Variants in CCDC146 observed in about 807,000 individuals in gnomAD.
The protein encoded by CCDC146 is coiled-coil domain-containing protein 146.
In CCDC146, 92 loss-of-function variants were observed where a neutral mutation model predicts 119.3. That is an observed-to-expected ratio of 0.77 (90% confidence interval 0.65 to 0.92). The LOEUF is 0.92. Among genes scored for constraint, CCDC146 ranks in the 40% least tolerant of loss-of-function variants. CCDC146 has a pLI of 0.00. For synonymous variants in CCDC146, 372 were observed against 371.8 expected (o/e 1.00, Z -0.01); for missense variants, 1,000 against 1,103.0 (o/e 0.91, Z 1.32).
At chr7:77,133,956 GC>G (rs1790824768) in intron 1 of CCDC146, among the ~76,000 whole-genome samples, 1 of 152,088 alleles carries the variant, frequency 6.6e-6, no homozygotes, top group Non-Finnish European at 1.5e-5. Context: ...ATAAGGTGAA[GC>G]AGTACACAAT....
Position 77,256,383 on chromosome 7 carries a change from TA to T in CCDC146, c.561del (p.Glu188LysfsTer2). On this transcript the variant is annotated frameshift_variant, in exon 6 of 19. Transcript: ENST00000285871. Reference sequence around the variant, plus strand: ...TGAGAGAAAGCACTGAAGAATTACGTAAAGAAATAATGCAGAAGAAATTAGA... The same window carrying T: ...TGAGAGAAAGCACTGAAGAATTACGTAAGAAATAATGCAGAAGAAATTAGA... ...ILRESTEELRKEIMQKKLEIK... is the reference protein window; with the variant it reads ...ILRESTEELRXEIMQKKLEIK... The T allele has an allele frequency of 6.2e-7, 1 of 1,601,798 alleles. No homozygotes were observed. The highest frequency in any genetic ancestry group is 2.2e-5 in the East Asian group (1 of 44,730).
intron 4 of CCDC146, chr7:77,242,397 C>T: frequency 1.0e-6 from 1 of 986,930 alleles, no homozygotes; most frequent in Non-Finnish European, 1.2e-6. Flanking sequence ...TCATCTCCTA[C>T]TACTAGATTG....
In CCDC146 at chr7:77,274,570, A is replaced by G. The variant is rs1343907459; in HGVS notation, c.1358A>G (p.Glu453Gly). The G allele has an allele frequency of 6.2e-7, 1 of 1,613,360 alleles. No individual in the cohort carries two copies. Among genetic ancestry groups the G allele is most frequent in the African/African-American group, 1.3e-5 (1 of 75,032 alleles). ...TTAAAGGAGCAAGAAAACATGAAAG[A>G]GCTAGTAGTCAACCTTCTCCGCATG... The part of the protein sequence containing the change: ...KLLKEQENMK[E>G]LVVNLLRMTQ... Residue 453 changes from glutamate to glycine, a missense_variant, in exon 11 of 19, where the codon GAG becomes GGG. Physicochemically the swap from Glu to Gly is moderately conservative, Grantham distance 98. This residue lies in a region of CCDC146 where 985 missense variants were observed against 1,045.3 expected (regional missense o/e 0.94). Coordinates refer to ENST00000285871, the MANE Select transcript of CCDC146 (RefSeq NM_020879.3).
chr7:77,160,738 T>A (rs906158316), intron 1 of CCDC146, among the ~76,000 whole-genome samples: 5 of 152,192 alleles, frequency 3.3e-5, no homozygotes, highest in African/African-American at 9.7e-5. Context: ...GACTTCCTCT[T>A]TTCCTAATTG....
At chr7:77,271,457 T>C (rs1277689259) in intron 9 of CCDC146, among the ~76,000 whole-genome samples, 1 of 143,526 alleles carries the variant, frequency 7.0e-6, no homozygotes, top group East Asian at 2.0e-4. Context: ...GAGTTAATAC[T>C]TAATAAACTC....
intron 1 of CCDC146, among the ~76,000 whole-genome samples, chr7:77,149,764 CA>C (rs1161803022): frequency 8.7e-6 from 1 of 114,424 alleles, no homozygotes; most frequent in African/African-American, 3.4e-5. Context: ...GACTCTGTCT[CA>C]AAGAAAAAGA....
At chr7:77,199,077 A>C (rs567384776) in intron 2 of CCDC146, 49 of 971,882 alleles carry the variant, frequency 5.0e-5, no homozygotes, top group Non-Finnish European at 6.6e-5. Flanking sequence ...TAAAAGACTT[A>C]ATCTGTCATC....
chr7:77,262,044 G>C (rs1793309654), intron 8 of CCDC146, 77 bp from the exon 9 acceptor site: 1 of 1,221,578 alleles, frequency 8.2e-7, no homozygotes, highest in South Asian at 1.5e-5. Flanking sequence ...TCAGCATGCT[G>C]TCTTGATAAG....
chr7:77,199,110 TA>T, intron 2 of CCDC146: 1 of 1,328,170 alleles, frequency 7.5e-7, no homozygotes, highest in South Asian at 1.4e-5. Context: ...TGACTCAGGT[TA>T]ATGTTTATAG....
chr7:77,241,612 A>C, intron 3 of CCDC146, 79 bp from the exon 4 acceptor site: 3 of 1,206,546 alleles, frequency 2.5e-6, no homozygotes, highest in Non-Finnish European at 3.7e-6. Flanking sequence ...GGGAGCAGCT[A>C]TCCTCACTAG....
chr7:77,264,296 G>C (rs1297712456), intron 9 of CCDC146, among the ~76,000 whole-genome samples: 1 of 151,030 alleles, frequency 6.6e-6, no homozygotes, highest in Non-Finnish European at 1.5e-5. Context: ...GTCTTGCTTT[G>C]CTGCCCAGGC....
At chr7:77,262,051 T>G in intron 8 of CCDC146, 70 bp from the exon 9 acceptor site, 2 of 1,289,592 alleles carry the variant, frequency 1.6e-6, no homozygotes, top group Non-Finnish European at 2.1e-6. Context: ...GCTGTCTTGA[T>G]AAGTTTTGAA....
intron 2 of CCDC146, among the ~76,000 whole-genome samples, chr7:77,224,782 G>A (rs10234519): frequency 0.12 from 18,556 of 152,080 alleles, 1,773 homozygotes; most frequent in East Asian, 0.27. Flanking sequence ...TCTAAAGCAA[G>A]GTGAGAATTG....
intron 1 of CCDC146, among the ~76,000 whole-genome samples, chr7:77,157,071 C>T (rs541984924): frequency 8.9e-6 from 1 of 112,802 alleles, no homozygotes; most frequent in Admixed American, 9.8e-5. Context: ...CTCCCTTCCT[C>T]CAAGGGGTCA....
At position 77,260,186 on chromosome 7, in the gene CCDC146, C is replaced by T. The variant is rs374348160; in HGVS notation, c.936C>T (p.Val312=). The change falls in exon 8 of 19, where the codon GTC becomes GTT. Residue 312 remains valine (V), a synonymous_variant. Transcript: ENST00000285871. ...EIKEREHNQL[V]KLLELARENE... ...AAGAACGAGAACATAACCAATTGGT[C>T]AAGCTATTGGAATTAGCCAGAGAGA... 1.0e-4 allele frequency: 163 copies of T among 1,613,722 alleles called. No individual in the cohort carries two copies. The highest frequency in any genetic ancestry group is 1.3e-4 in the Non-Finnish European group (152 of 1,180,012).
intron 2 of CCDC146, among the ~76,000 whole-genome samples, chr7:77,191,520 AATAAT>A (rs1791761663): frequency 6.6e-6 from 1 of 152,228 alleles, no homozygotes; most frequent in Admixed American, 6.5e-5. Context: ...GACAATATTG[AATAAT>A]ATATAATAAG....
intron 9 of CCDC146, among the ~76,000 whole-genome samples, chr7:77,266,352 T>C (rs117918387): frequency 1.3e-5 from 2 of 152,364 alleles, no homozygotes; most frequent in East Asian, 3.9e-4. Context: ...TTGAAGGCAA[T>C]GATAACAACA....
Position 77,196,151 on chromosome 7 carries a change from C to A in CCDC146, c.156+28327C>A, listed in dbSNP as rs941913080. 7.5e-6 allele frequency: 5 copies of A among 668,074 alleles called. No individual in the cohort carries two copies. The highest frequency in any genetic ancestry group is 1.3e-5 in the Non-Finnish European group (5 of 399,524). 41.4% of individuals were successfully genotyped at this position (668,074 alleles called of 1,614,324 possible). ...CAGCTTTATTTCAAATGCTGTGTAG[C>A]ATAAGAACCTAGCCGTCAGACATCA... is the stretch of plus-strand genomic sequence containing the variant. On this transcript the variant is annotated intron_variant, in intron 2 of 18. Transcript: ENST00000285871. This position sits in a 1 kb window ranked among gnomAD's most constrained non-coding sequence, Gnocchi z 4.2.
chr7:77,150,288 A>G (rs1791091268), intron 1 of CCDC146, among the ~76,000 whole-genome samples: 1 of 152,134 alleles, frequency 6.6e-6, no homozygotes, highest in South Asian at 2.1e-4. Context: ...ACATTGAGAG[A>G]AAATATTTGC....
Sources: gnomAD v4.1 joint callset for allele counts (sites outside exome capture counted in the v4.1 genomes callset) on GRCh38, gnomAD v4.1.1 for gene constraint, gnomAD v4.1.1 regional missense constraint, Gnocchi (gnomAD v3.1) non-coding constraint, MANE v1.5 for transcripts, NCBI Gene and HGNC (gene_info 2026-07-23, HGNC 2026-07-21) for gene names.